Variants in NFIL3 observed in about 807,000 individuals in gnomAD.
The protein encoded by NFIL3 is nuclear factor interleukin-3-regulated protein.
A neutral mutation model predicts 10.0 loss-of-function variants in NFIL3; 5 were observed. That is an observed-to-expected ratio of 0.50 (90% confidence interval 0.26 to 1.06). The LOEUF (loss-of-function observed/expected upper bound fraction) is 1.06. NFIL3 is among the 50% of genes least tolerant of loss of function. The pLI is 0.13. For synonymous variants in NFIL3, 202 were observed against 206.5 expected (o/e 0.98, Z 0.19); for missense variants, 436 against 547.6 (o/e 0.80, Z 2.03).
the NFIL3 span, among the ~76,000 whole-genome samples, chr9:91,456,167 T>C: frequency 8.1e-4 from 123 of 152,374 alleles, 1 homozygote; most frequent in Admixed American, 1.7e-3. Context: ...TATCCATTGA[T>C]GGACATAGGG....
the NFIL3 span, among the ~76,000 whole-genome samples, chr9:91,478,728 T>G: frequency 2.0e-5 from 3 of 152,064 alleles, no homozygotes; most frequent in Non-Finnish European, 4.4e-5. Context: ...AGATGTTCTG[T>G]TTTTTGGAAT....
the NFIL3 span, among the ~76,000 whole-genome samples, chr9:91,456,255 T>G: frequency 6.6e-6 from 1 of 152,200 alleles, no homozygotes; most frequent in South Asian, 2.1e-4. Context: ...AGTCGAATGA[T>G]TGGATCAGTC....
At chr9:91,421,652 A>G (rs919603086) in intron 1 of NFIL3, among the ~76,000 whole-genome samples, 1 of 152,042 alleles carries the variant, frequency 6.6e-6, no homozygotes, top group African/African-American at 2.4e-5. Context: ...CGCGATCGGA[A>G]GGTGGCGCCA....
intron 1 of NFIL3, among the ~76,000 whole-genome samples, 153 bp downstream of exon 1, chr9:91,423,487 A>G (rs540895078): frequency 6.6e-6 from 1 of 151,660 alleles, no homozygotes; most frequent in East Asian, 2.0e-4. Context: ...TTATGTAATG[A>G]ATGCCCCGCG....
At chr9:91,420,352 TAC>T (rs144270881) in intron 1 of NFIL3, among the ~76,000 whole-genome samples, 31,136 of 144,086 alleles carry the variant, frequency 0.22, 3,316 homozygotes, top group South Asian at 0.28. Context: ...TGAAGGTAAA[TAC>T]ACACACACAC....
chr9:91,414,507 C>T (rs898118282), intron 1 of NFIL3, among the ~76,000 whole-genome samples: 9 of 152,238 alleles, frequency 5.9e-5, no homozygotes, highest in African/African-American at 2.2e-4. Context: ...GATCTGCCTA[C>T]CTTGGCCTCC....
chr9:91,435,467 A>G, the NFIL3 span, among the ~76,000 whole-genome samples: 1 of 152,216 alleles, frequency 6.6e-6, no homozygotes, highest in Admixed American at 6.5e-5. Context: ...TATGGTACAT[A>G]AAAGGCCACT....
chr9:91,468,016 T>C, the NFIL3 span, among the ~76,000 whole-genome samples: 1 of 152,212 alleles, frequency 6.6e-6, no homozygotes, highest in Non-Finnish European at 1.5e-5. Flanking sequence ...TGTGTCTTTA[T>C]AGCAGCATGA....
chr9:91,460,858 T>C, the NFIL3 span, among the ~76,000 whole-genome samples: 2 of 152,198 alleles, frequency 1.3e-5, no homozygotes, highest in Admixed American at 1.3e-4. Context: ...AACTCAAAAG[T>C]ACTATTTTAC....
At chr9:91,420,549 G>T (rs1361864970) in intron 1 of NFIL3, among the ~76,000 whole-genome samples, 1 of 152,164 alleles carries the variant, frequency 6.6e-6, no homozygotes, top group Non-Finnish European at 1.5e-5. Flanking sequence ...CAGGGTTCTT[G>T]TGAGCCCAGG....
chr9:91,419,637 T>C (rs1209879182), intron 1 of NFIL3, among the ~76,000 whole-genome samples: 1 of 152,262 alleles, frequency 6.6e-6, no homozygotes, highest in African/African-American at 2.4e-5. Flanking sequence ...TGAGTTTCCA[T>C]TTCCTCATCT....
the NFIL3 span, among the ~76,000 whole-genome samples, chr9:91,461,048 T>A: frequency 6.6e-6 from 1 of 152,220 alleles, no homozygotes; most frequent in Non-Finnish European, 1.5e-5. Flanking sequence ...ATGCTGTCTA[T>A]GCCATGTTTG....
chr9:91,428,887 T>C, the NFIL3 span, among the ~76,000 whole-genome samples: 4 of 152,162 alleles, frequency 2.6e-5, no homozygotes, highest in East Asian at 7.7e-4. Context: ...AGTGCCAAAA[T>C]AAGGGACATT....
the NFIL3 span, among the ~76,000 whole-genome samples, chr9:91,446,824 T>C: frequency 6.6e-6 from 1 of 151,504 alleles, no homozygotes. Context: ...CTTTCTTTCT[T>C]TCTCTCTTTC....
chr9:91,423,206 C>T (rs925781195), intron 1 of NFIL3, among the ~76,000 whole-genome samples: 3 of 152,276 alleles, frequency 2.0e-5, no homozygotes, highest in South Asian at 2.1e-4. Context: ...CTCAACCCCC[C>T]ATTCCTCTCC....
At chr9:91,414,426 T>C (rs1429354608) in intron 1 of NFIL3, among the ~76,000 whole-genome samples, 1 of 152,148 alleles carries the variant, frequency 6.6e-6, no homozygotes, top group Non-Finnish European at 1.5e-5. Context: ...TGGGGTTTAG[T>C]AGAGATGGGG....
the NFIL3 span, among the ~76,000 whole-genome samples, chr9:91,473,137 C>T: frequency 9.2e-5 from 14 of 152,286 alleles, no homozygotes; most frequent in Admixed American, 4.6e-4. Context: ...TACTGGCAGG[C>T]GTCTCCCAGT....
the NFIL3 span, among the ~76,000 whole-genome samples, chr9:91,439,348 A>G: frequency 6.6e-6 from 1 of 151,976 alleles, no homozygotes; most frequent in South Asian, 2.1e-4. Context: ...TGATTTTTGT[A>G]TGTTGATTTT....
the NFIL3 span, among the ~76,000 whole-genome samples, chr9:91,461,549 C>G: frequency 6.6e-5 from 10 of 152,190 alleles, no homozygotes; most frequent in African/African-American, 2.4e-4. Flanking sequence ...CCCACACTCC[C>G]TCCGGAGGCT....
Sources: gnomAD v4.1 joint callset for allele counts (sites outside exome capture counted in the v4.1 genomes callset) on GRCh38, gnomAD v4.1.1 for gene constraint, MANE v1.5 for transcripts, NCBI Gene and HGNC (gene_info 2026-07-23, HGNC 2026-07-21) for gene names.